Variants in RGS7BP observed in about 807,000 individuals in gnomAD.
The protein encoded by RGS7BP is regulator of G protein signaling 7-binding protein.
A neutral mutation model predicts 31.3 loss-of-function variants in RGS7BP; 9 were observed. The ratio of observed to expected loss-of-function variants is 0.29; its 90% confidence interval spans 0.17 to 0.50. The LOEUF (loss-of-function observed/expected upper bound fraction) is 0.50, where lower values mean the gene tolerates loss of function less well. Ranked by LOEUF, RGS7BP falls within the 20% of genes least tolerant of loss-of-function variation. The pLI is 0.98. For synonymous variants in RGS7BP, 115 were observed against 120.1 expected, an observed-to-expected ratio of 0.96 and a Z score of 0.28; for missense variants, 274 against 322.0, an observed-to-expected ratio of 0.85 and a Z score of 1.14.
At chr5:64,570,904 G>C (rs1742287112) in intron 2 of RGS7BP, among the ~76,000 whole-genome samples, 1 of 151,788 alleles carries the variant, frequency 6.6e-6, no homozygotes, top group African/African-American at 2.4e-5. Flanking sequence ...AAACAATTCA[G>C]CATACATAGC....
intron 2 of RGS7BP, among the ~76,000 whole-genome samples, chr5:64,531,413 G>A (rs1408787018): frequency 6.6e-6 from 1 of 151,826 alleles, no homozygotes; most frequent in Non-Finnish European, 1.5e-5. Flanking sequence ...TCTGCACACT[G>A]AGAAAAAAAA....
intron 2 of RGS7BP, among the ~76,000 whole-genome samples, chr5:64,523,044 T>C (rs1164942313): frequency 1.3e-5 from 2 of 152,134 alleles, no homozygotes; most frequent in Non-Finnish European, 2.9e-5. Flanking sequence ...ACCAGTTCTT[T>C]GGGAACTATG....
intron 3 of RGS7BP, among the ~76,000 whole-genome samples, chr5:64,576,684 G>A (rs1168099482): frequency 6.6e-6 from 1 of 152,176 alleles, no homozygotes; most frequent in African/African-American, 2.4e-5. Flanking sequence ...GACTGGTTAA[G>A]GGCAATCAAG....
At chr5:64,528,405 A>G (rs1486948175) in intron 2 of RGS7BP, among the ~76,000 whole-genome samples, 1 of 152,200 alleles carries the variant, frequency 6.6e-6, no homozygotes, top group Non-Finnish European at 1.5e-5. Context: ...GTCACATTTA[A>G]GCACACAATT....
At chr5:64,556,043 T>C (rs1310062045) in intron 2 of RGS7BP, among the ~76,000 whole-genome samples, 4 of 152,004 alleles carry the variant, frequency 2.6e-5, no homozygotes, top group Non-Finnish European at 2.9e-5. Context: ...AGTTGATGGG[T>C]TGTTGATATG....
intron 2 of RGS7BP, among the ~76,000 whole-genome samples, chr5:64,531,976 CCT>C (rs1391725441): frequency 2.0e-5 from 3 of 152,036 alleles, no homozygotes; most frequent in East Asian, 1.9e-4. Context: ...TTTTTTTCCC[CCT>C]CTCTCTTTTG....
intron 4 of RGS7BP, among the ~76,000 whole-genome samples, chr5:64,596,767 C>G (rs1743081106): frequency 6.6e-6 from 1 of 152,132 alleles, no homozygotes; most frequent in Admixed American, 6.5e-5. Context: ...CTTTTCCAAT[C>G]AATTATTACT....
intron 2 of RGS7BP, among the ~76,000 whole-genome samples, chr5:64,575,143 A>T (rs1347438407): frequency 6.6e-6 from 1 of 152,192 alleles, no homozygotes; most frequent in African/African-American, 2.4e-5. Flanking sequence ...ATTTTAGAGC[A>T]TAAGTTCAGT....
intron 2 of RGS7BP, among the ~76,000 whole-genome samples, chr5:64,521,415 C>T (rs980171951): frequency 2.6e-5 from 4 of 152,126 alleles, no homozygotes; most frequent in Admixed American, 1.3e-4. Context: ...CGCCACCACA[C>T]CCAGCTAATT....
intron 2 of RGS7BP, among the ~76,000 whole-genome samples, chr5:64,556,644 A>T (rs80029255): frequency 6.6e-6 from 1 of 152,130 alleles, no homozygotes; most frequent in African/African-American, 2.4e-5. Flanking sequence ...AGAGCAAAAA[A>T]TATATAGTTT....
chr5:64,547,881 A>G (rs1316729960), intron 2 of RGS7BP, among the ~76,000 whole-genome samples: 1 of 152,142 alleles, frequency 6.6e-6, no homozygotes, highest in Non-Finnish European at 1.5e-5. Flanking sequence ...AATCAGAAGT[A>G]TAGACTTACT....
At chr5:64,584,316 A>G (rs550096834) in intron 3 of RGS7BP, among the ~76,000 whole-genome samples, 60 of 152,352 alleles carry the variant, frequency 3.9e-4, no homozygotes, top group African/African-American at 1.3e-3. Flanking sequence ...TTAACTCCAT[A>G]TATCATCTTA....
intron 5 of RGS7BP, among the ~76,000 whole-genome samples, chr5:64,608,805 T>C (rs1156816398): frequency 6.6e-6 from 1 of 152,042 alleles, no homozygotes; most frequent in Non-Finnish European, 1.5e-5. Context: ...GTATATACGT[T>C]TCCCAACTGA....
At chr5:64,582,332 T>C (rs1406802753) in intron 3 of RGS7BP, among the ~76,000 whole-genome samples, 1 of 152,360 alleles carries the variant, frequency 6.6e-6, no homozygotes, top group East Asian at 1.9e-4. Flanking sequence ...TCTCTCTTGC[T>C]TTCTTTTCCC....
intron 3 of RGS7BP, among the ~76,000 whole-genome samples, chr5:64,584,416 G>A (rs901401251): frequency 3.0e-4 from 46 of 152,116 alleles, no homozygotes; most frequent in Admixed American, 1.2e-3. Context: ...AAACATTCAC[G>A]TGATCCAAAA....
chr5:64,607,332 A>T (rs1743388813), intron 5 of RGS7BP, among the ~76,000 whole-genome samples: 1 of 152,132 alleles, frequency 6.6e-6, no homozygotes, highest in South Asian at 2.1e-4. Flanking sequence ...CATGCCCATG[A>T]CACAGCCTCA....
intron 2 of RGS7BP, among the ~76,000 whole-genome samples, chr5:64,557,024 C>T (rs1741945537): frequency 6.6e-6 from 1 of 152,176 alleles, no homozygotes; most frequent in South Asian, 2.1e-4. Flanking sequence ...GGAAATGTAA[C>T]TTAAGTCCAC....
At chr5:64,606,387 G>C (rs1357074012) in intron 5 of RGS7BP, among the ~76,000 whole-genome samples, 2 of 151,908 alleles carry the variant, frequency 1.3e-5, no homozygotes, top group Non-Finnish European at 1.5e-5. Context: ...CCCCAAATTA[G>C]ATGTCTTTGG....
At chr5:64,528,818 A>C (rs1749299305) in intron 2 of RGS7BP, among the ~76,000 whole-genome samples, 1 of 150,338 alleles carries the variant, frequency 6.7e-6, no homozygotes, top group African/African-American at 2.4e-5. Flanking sequence ...CTCAAAAAAA[A>C]AAAAAAAAAA....
Sources: gnomAD v4.1 joint callset for allele counts (sites outside exome capture counted in the v4.1 genomes callset) on GRCh38, gnomAD v4.1.1 for gene constraint, MANE v1.5 for transcripts, NCBI Gene and HGNC (gene_info 2026-07-23, HGNC 2026-07-21) for gene names.